The following BTRC variants were observed in gnomAD, a reference collection of about 807,000 sequenced individuals.
The protein encoded by BTRC is beta-transducin repeat containing E3 ubiquitin protein ligase, also known as F-box/WD repeat-containing protein 1A.
In BTRC, 42 loss-of-function variants were observed where a neutral mutation model predicts 85.5. The ratio of observed to expected loss-of-function variants is 0.49; its 90% CI spans 0.38 to 0.64. BTRC has a LOEUF of 0.64. Ranked by LOEUF, BTRC falls within the 30% of genes least tolerant of loss-of-function variation. The pLI, the probability that BTRC is intolerant of heterozygous loss-of-function variation, is 0.00. For synonymous variants in BTRC, 255 were observed against 263.3 expected, an observed-to-expected ratio of 0.97 and a Z score of 0.30; for missense variants, 594 against 743.5, an observed-to-expected ratio of 0.80 and a Z score of 2.34.
intron 13 of BTRC, among the ~76,000 whole-genome samples, 195 bp downstream of exon 13, chr10:101,538,566 A>G (rs569286600): frequency 2.2e-4 from 34 of 152,288 alleles, no homozygotes; most frequent in African/African-American, 8.2e-4. Flanking sequence ...TTTAGAGACT[A>G]TATATGGAGA....
At chr10:101,440,971 A>C (rs1462154934) in intron 2 of BTRC, among the ~76,000 whole-genome samples, 1 of 152,240 alleles carries the variant, frequency 6.6e-6, no homozygotes, top group Non-Finnish European at 1.5e-5. Flanking sequence ...AGGGATATTA[A>C]GAACTAGTTA....
intron 4 of BTRC, among the ~76,000 whole-genome samples, chr10:101,498,667 A>G (rs9420835): frequency 0.37 from 56,258 of 151,906 alleles, 11,593 homozygotes; most frequent in Middle Eastern, 0.49. Flanking sequence ...TACAGCCTGA[A>G]TTGTTGAGAT....
At chr10:101,437,139 A>G (rs1944553980) in intron 2 of BTRC, among the ~76,000 whole-genome samples, 1 of 152,128 alleles carries the variant, frequency 6.6e-6, no homozygotes, top group African/African-American at 2.4e-5. Context: ...TTTTTTATGT[A>G]TATGTTAACA....
At chr10:101,436,889 A>G (rs1231487691) in intron 2 of BTRC, among the ~76,000 whole-genome samples, 2 of 152,222 alleles carry the variant, frequency 1.3e-5, no homozygotes, top group South Asian at 2.1e-4. Context: ...AAATGGAACA[A>G]TACAGGAAAA....
intron 1 of BTRC, among the ~76,000 whole-genome samples, chr10:101,364,291 A>G (rs1031854855): frequency 6.6e-6 from 1 of 152,120 alleles, no homozygotes; most frequent in African/African-American, 2.4e-5. Context: ...TGTTATGTAG[A>G]AAAAAAGCAT....
chr10:101,546,441 A>G (rs938387813), intron 13 of BTRC, among the ~76,000 whole-genome samples: 1 of 152,130 alleles, frequency 6.6e-6, no homozygotes, highest in South Asian at 2.1e-4. Flanking sequence ...TTGTGGGTAC[A>G]TAGTAGGTTT....
chr10:101,401,255 G>A (rs1006529403), intron 1 of BTRC, among the ~76,000 whole-genome samples: 1 of 152,154 alleles, frequency 6.6e-6, no homozygotes, highest in African/African-American at 2.4e-5. Flanking sequence ...GTAAATTGCA[G>A]TTTTACTCTT....
chr10:101,404,030 A>ATATATATT lies in BTRC; in HGVS notation c.49-26314_49-26313insATATATTT, dbSNP rs1232082481. On this transcript the variant is annotated intron_variant, in intron 1 of 14. Transcript: ENST00000370187. ...TATATATATATATATATATATATAT[A>ATATATATT]TTTTTTTTTTTTTTTTTTTGAGACA... Among the ~76,000 whole-genome samples the ATATATATT allele has an allele frequency of 5.0e-3, 128 of 25,438 alleles. 5 individuals carry two copies. Among genetic ancestry groups the ATATATATT allele is most frequent in the African/African-American group, 0.024 (124 of 5,238 alleles). The allele number at this position is 25,438 out of a possible 152,430, so 16.7% of individuals were successfully genotyped here.
intron 4 of BTRC, among the ~76,000 whole-genome samples, chr10:101,511,041 A>G (rs1253630839): frequency 6.6e-6 from 1 of 152,124 alleles, no homozygotes; most frequent in Non-Finnish European, 1.5e-5. Flanking sequence ...AAATATTTGT[A>G]AGGCACAAAT....
intron 4 of BTRC, among the ~76,000 whole-genome samples, chr10:101,518,476 TC>T (rs2062055185): frequency 1.3e-5 from 2 of 152,118 alleles, no homozygotes; most frequent in Non-Finnish European, 2.9e-5. Flanking sequence ...AATGCAACTT[TC>T]TCCCCATTCT....
rs770380997 is a variant in BTRC, at chr10:101,550,707, C to T, written c.1665C>T (p.Ser555=). Residue 555 remains serine (S), a synonymous_variant, in exon 14 of 15, where the codon TCC becomes TCT. Coordinates refer to ENST00000370187, the MANE Select transcript of BTRC (RefSeq NM_033637.4). ...TGTTTCTACTTCTTTAGGAGCATTC[C>T]GGAAGAGTTTTTCGACTACAGTTTG... is the stretch of plus-strand genomic sequence containing the variant. ...TLCLRTLVEH[S]GRVFRLQFDE... The T allele has an allele frequency of 6.0e-5, 96 of 1,611,746 alleles. No homozygotes were observed. Among genetic ancestry groups the T allele is most frequent in the East Asian group, 8.9e-5 (4 of 44,828 alleles).
At chr10:101,471,013 A>G (rs993276836) in intron 3 of BTRC, among the ~76,000 whole-genome samples, 13 of 152,156 alleles carry the variant, frequency 8.5e-5, no homozygotes, top group African/African-American at 1.7e-4. Context: ...ACCCATCCCT[A>G]TTTTATGTCC....
intron 2 of BTRC, chr10:101,453,553 T>A (rs1030576084): frequency 1.3e-5 from 2 of 152,246 alleles, no homozygotes; most frequent in Non-Finnish European, 2.9e-5. Flanking sequence ...ACTCAAAGAT[T>A]ATTGTAAGTC....
chr10:101,532,478 G>T, intron 8 of BTRC, 46 bp downstream of exon 8: 1 of 1,548,504 alleles, frequency 6.5e-7, no homozygotes, highest in South Asian at 1.3e-5. Context: ...GAGCAAGAGT[G>T]ACCACATTCA....
chr10:101,479,582 C>A, intron 4 of BTRC, 125 bp downstream of exon 4: 1 of 644,438 alleles, frequency 1.6e-6, no homozygotes, highest in Non-Finnish European at 2.5e-6. Context: ...AAAATACAAA[C>A]AGGCATCATT....
rs377323918 is a variant in BTRC at position 101,456,371 on chromosome 10, A to G, written c.157-5610A>G. ...AATAGATGATTCAAAGAAAAAGTTT[A>G]TAGACTGAAAATTAGCTAGATATGT... On this transcript the variant is annotated intron_variant, in intron 2 of 14. Coordinates refer to ENST00000370187, the MANE Select transcript of BTRC (RefSeq NM_033637.4). 7.2e-5 allele frequency among the ~76,000 whole-genome samples: 11 copies of G among 152,256 alleles called. No individual in the cohort carries two copies. In the East Asian group the frequency reaches 1.7e-3, roughly 24 times the overall value.
chr10:101,356,622 A>G (rs532775010), intron 1 of BTRC, among the ~76,000 whole-genome samples: 1 of 152,258 alleles, frequency 6.6e-6, no homozygotes, highest in South Asian at 2.1e-4. Flanking sequence ...TTCATTATTG[A>G]CCTTGCCTGC....
At chr10:101,527,807 C>T (rs1241997813) in intron 6 of BTRC, among the ~76,000 whole-genome samples, 1 of 151,882 alleles carries the variant, frequency 6.6e-6, no homozygotes, top group Non-Finnish European at 1.5e-5. Context: ...CACACACACA[C>T]ACACACACAC....
chr10:101,519,919 C>T (rs752101183), intron 4 of BTRC, among the ~76,000 whole-genome samples: 2 of 151,914 alleles, frequency 1.3e-5, no homozygotes, highest in East Asian at 2.0e-4. Flanking sequence ...CACTTGAACC[C>T]GGGAGGCAGA....
Sources: gnomAD v4.1 joint callset for allele counts (sites outside exome capture counted in the v4.1 genomes callset) on GRCh38, gnomAD v4.1.1 for gene constraint, MANE v1.5 for transcripts, NCBI Gene and HGNC (gene_info 2026-07-23, HGNC 2026-07-21) for gene names.